The following HSPD1 variants were observed in gnomAD, a reference collection of about 807,000 sequenced individuals.
HSPD1 encodes the protein heat shock protein family D (Hsp60) member 1.
HSPD1 carries 3 observed loss-of-function variants against 53.0 expected under a neutral mutation model. The observed-to-expected ratio is 0.06, with a 90% CI of 0.03 to 0.15. The LOEUF is 0.15. HSPD1 is among the 10% of genes least tolerant of loss of function. The pLI, the probability that HSPD1 is intolerant of heterozygous loss-of-function variation, is 1.00. For synonymous variants in HSPD1, 200 were observed against 228.0 expected, an observed-to-expected ratio of 0.88 and a Z score of 1.10; for missense variants, 431 against 694.1, an observed-to-expected ratio of 0.62 and a Z score of 4.26.
At chr2:197,498,997 G>T in intron 1 of HSPD1, 147 bp from the exon 2 acceptor site, 1 of 776,994 alleles carries the variant, frequency 1.3e-6, no homozygotes. Flanking sequence ...GACGGAAGGC[G>T]CCGCAGCTTC....
At position 197,494,516 on chromosome 2, in the gene HSPD1, G is replaced by A. The variant is rs1034655888; in HGVS notation, c.606+141C>T. 5 of 665,398 alleles carry A rather than the reference G, an allele frequency of 7.5e-6. No homozygotes were observed. In the African/African-American group the frequency reaches 7.6e-5, roughly 10 times the overall value. The allele number at this position is 665,398 out of a possible 1,614,324, so 41.2% of individuals were successfully genotyped here. On this transcript the variant is annotated intron_variant, in intron 5 of 11. Transcript: ENST00000388968. ...GTACTTTATTCTATACATGTGCTGA[G>A]ACTACATATGAAGGAATAAAAAAAG...
chr2:197,488,140 C>T, intron 10 of HSPD1, 104 bp from the exon 11 acceptor site: 1 of 998,026 alleles, frequency 1.0e-6, no homozygotes, highest in South Asian at 1.4e-5. Flanking sequence ...AATCCTACTA[C>T]AGATCAAATC....
In HSPD1 at chr2:197,487,113, T is replaced by C. The variant is rs1190254507; in HGVS notation, c.1655A>G (p.Glu552Gly). ...AEVVVTEIPK[E>G]EKDPGMGAMG... The stretch of plus-strand genomic sequence containing the variant: ...TGCACCCATTCCAGGGTCCTTCTCT[T>C]CTTTAGGAATTTCTGTGACTACAAC... The change falls in exon 12 of 12, where the codon GAA becomes GGA. Residue 552 changes from glutamate to glycine, a missense_variant. Transcript: ENST00000388968. 2 of 1,580,872 alleles carry C rather than the reference T, an allele frequency of 1.3e-6. No individual in the cohort carries two copies. Among genetic ancestry groups the C allele is most frequent in the Admixed American group, 3.3e-5 (2 of 59,818 alleles).
rs1256707890 is a variant in HSPD1 at position 197,496,391 on chromosome 2, G to A, written c.427+749C>T. 2.0e-5 allele frequency among the ~76,000 whole-genome samples: 3 copies of A among 152,150 alleles called. No homozygotes were observed. In the East Asian group the frequency reaches 5.8e-4, roughly 29 times the overall value. ...TAAACACTGAAATAGATGAGGTAAT[G>A]ATACATTAGTAATGTAGTAATAAAT... On this transcript the variant is annotated intron_variant, in intron 3 of 11. Coordinates refer to ENST00000388968, the MANE Select transcript of HSPD1 (RefSeq NM_002156.5).
Position 197,491,190 on chromosome 2 carries a change from G to GTT in HSPD1, c.870-896_870-895dup, listed in dbSNP as rs1261711864. ...CTGGCCTCAAGTCTTTTTTTTGTGT[G>GTT]TTTTTTTTTTTTTTTGAGACAGAGT... On this transcript the variant is annotated intron_variant, in intron 7 of 11. Transcript: ENST00000388968. 4.7e-3 allele frequency among the ~76,000 whole-genome samples: 646 copies of GTT among 136,744 alleles called. 4 individuals are homozygous for GTT. The highest frequency in any genetic ancestry group is 0.016 in the African/African-American group (584 of 36,254). The allele number at this position is 136,744 out of a possible 152,430, so 89.7% of individuals were successfully genotyped here.
Position 197,490,098 on chromosome 2 carries a change from CAG to C in HSPD1, c.969+97_969+98del, listed in dbSNP as rs1281683362. 21 of 925,518 alleles carry C rather than the reference CAG, an allele frequency of 2.3e-5. 1 individual carries two copies. The highest frequency in any genetic ancestry group is 3.6e-5 in the Non-Finnish European group (20 of 562,584). The allele number at this position is 925,518 out of a possible 1,614,324, so 57.3% of individuals were successfully genotyped here. A position where few individuals can be genotyped will look rare whatever the true frequency, so the allele number is the denominator to read the frequency against. ...CTACCTTCCAAAGAGCCAAAAGAAA[CAG>C]ATAGTTGTAGTATCTAATTGTGAAA... On this transcript the variant is annotated intron_variant, in intron 8 of 11. Transcript: ENST00000388968.
chr2:197,497,186 G>A lies in HSPD1; in HGVS notation c.381C>T (p.Gly127=). The A allele has an allele frequency of 6.2e-7, 1 of 1,614,010 alleles. No individual in the cohort carries two copies. Among genetic ancestry groups the A allele is most frequent in the Non-Finnish European group, 8.5e-7 (1 of 1,179,870 alleles). ...TAGCACCTTTGCTAATCTTCTCGAA[G>A]CCTTCCTTGGCTATAGAGCGTGCCA... ...TVLARSIAKE[G]FEKISKGANP... is the part of the protein sequence containing the mutation. The change falls in exon 3 of 12, where the codon GGC becomes GGT. Residue 127 remains glycine, a synonymous_variant. Coordinates refer to ENST00000388968, the MANE Select transcript of HSPD1 (RefSeq NM_002156.5).
rs2086046345 is a variant in HSPD1 at position 197,487,931 on chromosome 2, G to A, written c.1496C>T (p.Ser499Leu). 1.9e-6 allele frequency: 3 copies of A among 1,613,572 alleles called. No individual in the cohort carries two copies. The highest frequency in any genetic ancestry group is 1.7e-5 in the Admixed American group (1 of 60,030). ...LIVEKIMQSSSEVGYDAMAGD... is the reference protein window; with the variant it reads ...LIVEKIMQSSLEVGYDAMAGD... ...AGCCATAGCATCATAACCAACTTCTGAGGAACTTTGCATAATTTTCTCAAC... is the reference window on the plus strand; with the variant it reads ...AGCCATAGCATCATAACCAACTTCTAAGGAACTTTGCATAATTTTCTCAAC... Residue 499 changes from serine (S) to leucine (L), a missense_variant, in exon 11 of 12, where the codon TCA (serine) becomes TTA (leucine). Around this residue, in one of 2 missense-constraint regions of HSPD1, gnomAD observed 386 missense variants for 657.6 expected, o/e 0.59. Coordinates refer to ENST00000388968, the MANE Select transcript of HSPD1 (RefSeq NM_002156.5).
chr2:197,491,556 G>A (rs887388039), intron 7 of HSPD1, among the ~76,000 whole-genome samples: 2 of 152,150 alleles, frequency 1.3e-5, no homozygotes, highest in Non-Finnish European at 2.9e-5. Context: ...AGATGAGCAC[G>A]TGTAATGTCT....
chr2:197,488,175 C>G, intron 10 of HSPD1, 139 bp from the exon 11 acceptor site: 1 of 990,438 alleles, frequency 1.0e-6, no homozygotes, highest in South Asian at 1.4e-5. Context: ...AGATGTGATG[C>G]ATGTTTAGCT....
chr2:197,493,947 C>T (rs2086124726), intron 6 of HSPD1, among the ~76,000 whole-genome samples: 1 of 152,102 alleles, frequency 6.6e-6, no homozygotes, highest in Non-Finnish European at 1.5e-5. Flanking sequence ...ACTAAAAATA[C>T]AAAAATCAGC....
At chr2:197,496,966 CA>C (rs2086166141) in intron 3 of HSPD1, 173 bp downstream of exon 3, 2 of 679,606 alleles carry the variant, frequency 2.9e-6, no homozygotes, top group South Asian at 3.3e-5. Flanking sequence ...AGTACCTACC[CA>C]CCATACAGCC....
intron 10 of HSPD1, 134 bp from the exon 11 acceptor site, chr2:197,488,170 T>A: frequency 1.0e-6 from 1 of 989,172 alleles, no homozygotes; most frequent in Non-Finnish European, 1.6e-6. Flanking sequence ...GAAAAAGATG[T>A]GATGCATGTT....
At position 197,489,265 on chromosome 2, in the gene HSPD1, C is replaced by T. The variant is rs182333371; in HGVS notation, c.970-18G>A. ...CCAAACACCTACAAAAAGAGTTAAACGTAAACCTGTTGTAGGTTACAGTTT... is the reference window on the plus strand; with the variant it reads ...CCAAACACCTACAAAAAGAGTTAAATGTAAACCTGTTGTAGGTTACAGTTT... On this transcript the variant is annotated intron_variant, in intron 8 of 11. Transcript: ENST00000388968. The T allele has an allele frequency of 4.4e-5, 71 of 1,613,860 alleles. No individual in the cohort carries two copies. Among genetic ancestry groups the T allele is most frequent in the East Asian group, 1.3e-4 (6 of 44,876 alleles).
At chr2:197,494,580 GTTTTGATCATCAGATAACTCAAAC>G (rs2086134198) in intron 5 of HSPD1, 53 bp downstream of exon 5, 1 of 1,033,110 alleles carries the variant, frequency 9.7e-7, no homozygotes. Flanking sequence ...GAAAAATTCA[GTTTTGATCATCAGATAACTCAAAC>G]TTTTGATCAT....
rs1431897656 is a variant in HSPD1, at chr2:197,487,256, GA to G, written c.1570-59del. On this transcript the variant is annotated intron_variant, in intron 11 of 11. Coordinates refer to ENST00000388968, the MANE Select transcript of HSPD1 (RefSeq NM_002156.5). ...TAGTAAAATATGAGCAAGACTTATT[GA>G]AAATTTCTGTCTGGGCATGGTGGCT... 3 of 1,496,040 alleles carry G rather than the reference GA, an allele frequency of 2.0e-6. No individual in the cohort carries two copies. The South Asian group carries it at 3.5e-5, about 17-fold the overall frequency. 92.7% of individuals were successfully genotyped at this position (1,496,040 alleles called of 1,614,324 possible). A position where few individuals can be genotyped will look rare whatever the true frequency, so the allele number is the denominator to read the frequency against.
chr2:197,490,324 T>C, intron 7 of HSPD1, 28 bp from the exon 8 acceptor site: 1 of 1,528,922 alleles, frequency 6.5e-7, no homozygotes, highest in Non-Finnish European at 9.1e-7. Context: ...TAGTAAGATT[T>C]AAATGAAATA....
rs772478050 is a variant in HSPD1, at chr2:197,489,128, G to T, written c.1089C>A (p.Asp363Glu). The T allele has an allele frequency of 6.2e-7, 1 of 1,614,016 alleles. No homozygotes were observed. Among genetic ancestry groups the T allele is most frequent in the Non-Finnish European group, 8.5e-7 (1 of 1,179,972 alleles). ...DDAMLLKGKG[D>E]KAQIEKRIQE... ...GAATACGTTTTTCAATTTGAGCCTT[G>T]TCACCTTTTCCTTTTAAGAGCATGG... Residue 363 changes from aspartate to glutamate, a missense_variant, in exon 9 of 12, where the codon GAC becomes GAA. Physicochemically the swap from Asp to Glu is conservative, Grantham distance 45. This residue lies in a region of HSPD1 where 386 missense variants were observed against 657.6 expected (regional missense o/e 0.59). Coordinates refer to ENST00000388968, the MANE Select transcript of HSPD1 (RefSeq NM_002156.5).
chr2:197,499,487 C>T (rs187028676), intron 1 of HSPD1: 471 of 154,004 alleles, frequency 3.1e-3, no homozygotes, highest in African/African-American at 0.011. Context: ...CTCCCCGGTT[C>T]CCTGAAGTCG....
Sources: gnomAD v4.1 joint callset for allele counts (sites outside exome capture counted in the v4.1 genomes callset) on GRCh38, gnomAD v4.1.1 for gene constraint, gnomAD v4.1.1 regional missense constraint, MANE v1.5 for transcripts, NCBI Gene and HGNC (gene_info 2026-07-23, HGNC 2026-07-21) for gene names.